The following KHDRBS2 variants were observed in gnomAD, a reference collection of about 807,000 sequenced individuals.
KHDRBS2 encodes the protein KH domain-containing, RNA-binding, signal transduction-associated protein 2.
KHDRBS2 carries 26 observed loss-of-function variants against 44.3 expected under a neutral mutation model. That is an observed-to-expected ratio of 0.59 (90% CI 0.43 to 0.81). The LOEUF (loss-of-function observed/expected upper bound fraction) is 0.81. Among genes scored for constraint, KHDRBS2 ranks in the 40% least tolerant of loss-of-function variants. KHDRBS2 has a pLI of 0.00. For synonymous variants in KHDRBS2, 194 were observed against 151.1 expected, an observed-to-expected ratio of 1.28 and a Z score of -2.08; for missense variants, 476 against 433.1, an observed-to-expected ratio of 1.10 and a Z score of -0.88.
intron 3 of KHDRBS2, among the ~76,000 whole-genome samples, chr6:62,023,116 A>T (rs951606713): frequency 2.0e-5 from 3 of 151,746 alleles, no homozygotes; most frequent in African/African-American, 7.2e-5. Flanking sequence ...ATCTCATCAA[A>T]ACCTAGGAGG....
chr6:62,243,618 A>T (rs889935043), intron 1 of KHDRBS2, among the ~76,000 whole-genome samples: 1 of 150,336 alleles, frequency 6.7e-6, no homozygotes, highest in Non-Finnish European at 1.5e-5. Flanking sequence ...AAAAAAAAAA[A>T]CTCATTATAC....
intron 1 of KHDRBS2, among the ~76,000 whole-genome samples, chr6:62,275,763 A>G (rs1454468186): frequency 6.6e-6 from 1 of 152,092 alleles, no homozygotes; most frequent in Non-Finnish European, 1.5e-5. Context: ...CTGCTTTTTG[A>G]CACTCTTTCA....
chr6:62,084,647 T>G (rs1302458873), intron 2 of KHDRBS2, among the ~76,000 whole-genome samples: 10 of 152,172 alleles, frequency 6.6e-5, no homozygotes, highest in Admixed American at 5.2e-4. Context: ...TATTCTGAAC[T>G]AATAAAGATA....
intron 1 of KHDRBS2, among the ~76,000 whole-genome samples, chr6:62,276,446 G>C (rs1486277860): frequency 1.3e-5 from 2 of 152,056 alleles, no homozygotes; most frequent in Admixed American, 6.6e-5. Context: ...AAAATGTGGG[G>C]AAAAAAATGC....
intron 4 of KHDRBS2, among the ~76,000 whole-genome samples, chr6:61,965,088 G>A (rs1769610423): frequency 6.6e-6 from 1 of 152,074 alleles, no homozygotes; most frequent in African/African-American, 2.4e-5. Flanking sequence ...GGAGTTTGAT[G>A]TTGGCTTTCT....
chr6:61,587,697 C>T, the KHDRBS2 span, among the ~76,000 whole-genome samples: 2 of 152,218 alleles, frequency 1.3e-5, no homozygotes, highest in African/African-American at 2.4e-5. Flanking sequence ...GTTCTTTATG[C>T]TATAAGAACA....
At chr6:62,156,601 CATTT>C (rs1816437574) in intron 2 of KHDRBS2, among the ~76,000 whole-genome samples, 1 of 152,068 alleles carries the variant, frequency 6.6e-6, no homozygotes, top group Admixed American at 6.5e-5. Flanking sequence ...TTGTTGTTAC[CATTT>C]AGAGGTACTC....
the KHDRBS2 span, among the ~76,000 whole-genome samples, chr6:61,670,293 A>G: frequency 6.6e-5 from 10 of 151,542 alleles, no homozygotes; most frequent in Admixed American, 2.6e-4. Flanking sequence ...AAATCTTTAA[A>G]AAGTTATGCC....
chr6:62,205,141 T>G (rs952649069), intron 1 of KHDRBS2, among the ~76,000 whole-genome samples: 1 of 152,130 alleles, frequency 6.6e-6, no homozygotes, highest in Non-Finnish European at 1.5e-5. Context: ...AATCATGTGG[T>G]CCATTTCAAA....
chr6:61,736,769 T>C (rs563047823), intron 6 of KHDRBS2, among the ~76,000 whole-genome samples: 4 of 152,134 alleles, frequency 2.6e-5, no homozygotes, highest in South Asian at 4.2e-4. Flanking sequence ...TTACATAATA[T>C]CATCTTTAGA....
At chr6:62,194,248 A>G (rs1825172921) in intron 1 of KHDRBS2, among the ~76,000 whole-genome samples, 2 of 151,938 alleles carry the variant, frequency 1.3e-5, no homozygotes, top group African/African-American at 2.4e-5. Context: ...AATTTTTATA[A>G]ACAGGATAAG....
intron 6 of KHDRBS2, among the ~76,000 whole-genome samples, chr6:61,780,460 C>T (rs1331945195): frequency 3.3e-4 from 50 of 152,260 alleles, no homozygotes; most frequent in Admixed American, 3.2e-3. Context: ...CAGTACACTT[C>T]AGCCTGGGCG....
At chr6:61,955,753 CAGAG>C (rs1562522725) in intron 4 of KHDRBS2, among the ~76,000 whole-genome samples, 5 of 150,646 alleles carry the variant, frequency 3.3e-5, no homozygotes, top group South Asian at 2.1e-4. Context: ...GGTAGACAGA[CAGAG>C]AGAGAGAATG....
the KHDRBS2 span, among the ~76,000 whole-genome samples, chr6:61,591,648 T>C: frequency 6.6e-6 from 1 of 152,104 alleles, no homozygotes; most frequent in Non-Finnish European, 1.5e-5. Context: ...GGAAACCAGA[T>C]CAGGGTCCAC....
At chr6:61,777,150 AG>A (rs898610161) in intron 6 of KHDRBS2, among the ~76,000 whole-genome samples, 2 of 149,816 alleles carry the variant, frequency 1.3e-5, no homozygotes, top group African/African-American at 2.4e-5. Context: ...GGGTGGGGGA[AG>A]GGGGGACGGG....
At chr6:62,219,038 A>G (rs912508568) in intron 1 of KHDRBS2, among the ~76,000 whole-genome samples, 1 of 151,774 alleles carries the variant, frequency 6.6e-6, no homozygotes, top group Non-Finnish European at 1.5e-5. Flanking sequence ...GGTAATGAGA[A>G]ATTACTTAAT....
At chr6:61,964,119 C>T (rs1769368487) in intron 4 of KHDRBS2, among the ~76,000 whole-genome samples, 1 of 151,958 alleles carries the variant, frequency 6.6e-6, no homozygotes, top group Non-Finnish European at 1.5e-5. Flanking sequence ...CGGCTCGTTA[C>T]CACAAGTTCA....
chr6:62,119,055 G>A (rs779019429), intron 2 of KHDRBS2, among the ~76,000 whole-genome samples: 15 of 152,174 alleles, frequency 9.9e-5, no homozygotes, highest in Non-Finnish European at 1.8e-4. Context: ...GGTACCAGAA[G>A]TGGTTCTAGA....
intron 4 of KHDRBS2, among the ~76,000 whole-genome samples, chr6:61,921,619 GA>G (rs1808084437): frequency 6.6e-6 from 1 of 151,854 alleles, no homozygotes; most frequent in South Asian, 2.1e-4. Flanking sequence ...CTCTTTTACT[GA>G]ACAATACATC....
Sources: allele counts gnomAD v4.1 joint callset (sites outside exome capture counted in the v4.1 genomes callset), GRCh38; gene constraint gnomAD v4.1.1; transcripts MANE v1.5; gene names NCBI Gene and HGNC (gene_info 2026-07-23, HGNC 2026-07-21).